The following ARHGEF4 variants were observed in gnomAD, a reference collection of about 807,000 sequenced individuals.
The protein encoded by ARHGEF4 is APC-stimulated guanine nucleotide exchange factor 1.
A neutral mutation model predicts 162.0 loss-of-function variants in ARHGEF4; 119 were observed. That is an observed-to-expected ratio of 0.73 (90% CI 0.63 to 0.86). The LOEUF (loss-of-function observed/expected upper bound fraction) is 0.86. ARHGEF4 is among the 40% of genes least tolerant of loss of function. The pLI is 0.00. For missense variants in ARHGEF4, 2,488 were observed against 2,456.0 expected, an observed-to-expected ratio of 1.01 and a Z score of -0.28; for synonymous variants, 1,014 against 979.9, an observed-to-expected ratio of 1.03 and a Z score of -0.65.
At chr2:130,895,322 A>G (rs889219590) in intron 1 of ARHGEF4, among the ~76,000 whole-genome samples, 16 of 152,254 alleles carry the variant, frequency 1.1e-4, no homozygotes, top group Admixed American at 3.3e-4. Context: ...TGTTTATCAT[A>G]CACCAACCAT....
At position 130,946,630 on chromosome 2, in the gene ARHGEF4, G is replaced by A. The variant is rs767788213; in HGVS notation, c.3980G>A (p.Gly1327Asp). ...ATGGGCTGGCCAGAGCACACACCAG[G>A]CACTGGTGAGTTACGCGCCTCTCTC... ...NHMGWPEHTPGTAMPDGALDT... is the reference protein window; with the variant it reads ...NHMGWPEHTPDTAMPDGALDT... Residue 1327 changes from glycine (G) to aspartate (D), a missense_variant, in exon 4 of 14, where the codon GGC (glycine) becomes GAC (aspartate). Coordinates refer to ENST00000409359, the MANE Select transcript of ARHGEF4 (RefSeq NM_001367493.1). 1 of 1,613,952 alleles carries A rather than the reference G, an allele frequency of 6.2e-7. No individual in the cohort carries two copies. Among genetic ancestry groups the A allele is most frequent in the South Asian group, 1.1e-5 (1 of 91,074 alleles).
chr2:131,027,161 C>G (rs1340694319), intron 4 of ARHGEF4, among the ~76,000 whole-genome samples: 1 of 152,190 alleles, frequency 6.6e-6, no homozygotes, highest in Non-Finnish European at 1.5e-5. Context: ...CCACCCTGCT[C>G]CAGCAGTACA....
At chr2:130,976,124 G>A (rs1685687019) in intron 4 of ARHGEF4, among the ~76,000 whole-genome samples, 1 of 152,186 alleles carries the variant, frequency 6.6e-6, no homozygotes, top group African/African-American at 2.4e-5. Context: ...GACACATGGA[G>A]AGGTTGTGCA....
intron 1 of ARHGEF4, among the ~76,000 whole-genome samples, chr2:130,876,287 T>C (rs531377750): frequency 4.5e-4 from 68 of 152,314 alleles, no homozygotes; most frequent in African/African-American, 1.6e-3. Context: ...ACCGCATGAA[T>C]GCTGCCGAGT....
chr2:130,903,094 C>T (rs1389629561), intron 1 of ARHGEF4, among the ~76,000 whole-genome samples: 1 of 148,842 alleles, frequency 6.7e-6, no homozygotes, highest in East Asian at 2.0e-4. Flanking sequence ...AAATTTCCCT[C>T]TGCTGTTCTT....
intron 1 of ARHGEF4, among the ~76,000 whole-genome samples, chr2:130,869,188 T>G (rs1232342768): frequency 3.3e-5 from 5 of 152,164 alleles, no homozygotes; most frequent in Admixed American, 2.0e-4. Context: ...CTTAGAAAGA[T>G]CTGTCTGGCC....
intron 4 of ARHGEF4, among the ~76,000 whole-genome samples, chr2:131,013,219 G>A (rs903469948): frequency 6.6e-6 from 1 of 152,130 alleles, no homozygotes; most frequent in Admixed American, 6.5e-5. Context: ...CACCAGCCTG[G>A]CAATAGATTT....
chr2:131,046,292 A>G lies in ARHGEF4; in HGVS notation c.*103A>G. 8.1e-7 allele frequency: 1 copy of G among 1,240,274 alleles called. No homozygotes were observed. Among genetic ancestry groups the G allele is most frequent in the Non-Finnish European group, 1.1e-6 (1 of 892,398 alleles). 76.8% of individuals were successfully genotyped at this position (1,240,274 alleles called of 1,614,324 possible). A position where few individuals can be genotyped will look rare whatever the true frequency, so the allele number is the denominator to read the frequency against. ...CCTGGCCTTCCTCTGCCTGCAAGTG[A>G]GCAGGGATGGGCTGGGGAGTTGCTT... On this transcript the variant is annotated 3_prime_UTR_variant, in exon 14 of 14. Coordinates refer to ENST00000409359, the MANE Select transcript of ARHGEF4 (RefSeq NM_001367493.1).
At chr2:130,926,079 G>A (rs992390840) in intron 2 of ARHGEF4, among the ~76,000 whole-genome samples, 6 of 38,916 alleles carry the variant, frequency 1.5e-4, no homozygotes, top group Admixed American at 4.9e-4. Context: ...TCTTTCTTTG[G>A]TCTGTTTTCT....
At chr2:131,026,126 T>C (rs1689462452) in intron 4 of ARHGEF4, among the ~76,000 whole-genome samples, 1 of 152,332 alleles carries the variant, frequency 6.6e-6, no homozygotes, top group South Asian at 2.1e-4. Context: ...TGTAGGTCCA[T>C]GGGAAAGGAC....
At chr2:130,969,370 G>T (rs755288902) in intron 4 of ARHGEF4, among the ~76,000 whole-genome samples, 63 of 152,116 alleles carry the variant, frequency 4.1e-4, no homozygotes, top group Admixed American at 7.9e-4. Context: ...GGCCGAGGCA[G>T]GTGGATCACA....
At chr2:131,014,158 T>C (rs766647384) in intron 4 of ARHGEF4, among the ~76,000 whole-genome samples, 2 of 152,176 alleles carry the variant, frequency 1.3e-5, no homozygotes, top group Non-Finnish European at 2.9e-5. Context: ...GGGTTTGTAC[T>C]CCAAAAGTCT....
Position 130,847,637 on chromosome 2 carries a change from G to A in ARHGEF4, c.39+10645G>A, listed in dbSNP as rs144310380. Among the ~76,000 whole-genome samples the A allele has an allele frequency of 1.1e-4, 16 of 152,304 alleles. No individual in the cohort carries two copies. In the East Asian group the frequency reaches 2.1e-3, roughly 20 times the overall value. ...CTTTTCCACCCCAACGCTTGGCTCCGAGGGCCTGACCCCCTGAAGCAGGGG... is the reference window on the plus strand; with the variant it reads ...CTTTTCCACCCCAACGCTTGGCTCCAAGGGCCTGACCCCCTGAAGCAGGGG... On this transcript the variant is annotated intron_variant, in intron 1 of 13. Transcript: ENST00000409359.
At chr2:131,033,351 A>G (rs556476913) in intron 5 of ARHGEF4, among the ~76,000 whole-genome samples, 2 of 152,288 alleles carry the variant, frequency 1.3e-5, no homozygotes, top group East Asian at 1.9e-4. Flanking sequence ...CCTGCTGTGC[A>G]TGGGGCAGAG....
At chr2:130,946,302 G>A (rs961126306) in intron 3 of ARHGEF4, among the ~76,000 whole-genome samples, 1 of 152,184 alleles carries the variant, frequency 6.6e-6, no homozygotes, top group Admixed American at 6.5e-5. Flanking sequence ...TATCCATGTG[G>A]CCAGATAGGT....
chr2:130,929,861 A>T (rs1254050328), intron 2 of ARHGEF4: 1 of 157,518 alleles, frequency 6.3e-6, no homozygotes, highest in Non-Finnish European at 1.4e-5. Context: ...GCCTCATCAG[A>T]CCCAGCCTCC....
At chr2:130,958,720 GTTTC>G (rs967138863) in intron 4 of ARHGEF4, among the ~76,000 whole-genome samples, 6 of 151,638 alleles carry the variant, frequency 4.0e-5, no homozygotes, top group Non-Finnish European at 7.4e-5. Flanking sequence ...TTGAATAGAT[GTTTC>G]TTTATTTGCT....
intron 4 of ARHGEF4, among the ~76,000 whole-genome samples, chr2:131,024,156 T>C (rs1172141768): frequency 6.6e-6 from 1 of 152,234 alleles, no homozygotes; most frequent in Non-Finnish European, 1.5e-5. Context: ...TTATGAAAGC[T>C]AGACCATTGA....
chr2:130,990,445 G>C (rs1171147378), intron 4 of ARHGEF4, among the ~76,000 whole-genome samples: 1 of 152,094 alleles, frequency 6.6e-6, no homozygotes, highest in Non-Finnish European at 1.5e-5. Context: ...TAGAACCCTA[G>C]AAGGTGCAAT....
Sources: allele counts gnomAD v4.1 joint callset (sites outside exome capture counted in the v4.1 genomes callset), GRCh38; gene constraint gnomAD v4.1.1; transcripts MANE v1.5; gene names NCBI Gene and HGNC (gene_info 2026-07-23, HGNC 2026-07-21).